Variants in VPS41 observed in about 807,000 individuals in gnomAD.
VPS41 encodes vacuolar protein sorting-associated protein 41 homolog.
In VPS41, 85 loss-of-function variants were observed where a neutral mutation model predicts 130.9. The observed-to-expected ratio is 0.65, with a 90% CI of 0.55 to 0.78. The LOEUF (loss-of-function observed/expected upper bound fraction) is 0.78, where lower values mean the gene tolerates loss of function less well. Among genes scored for constraint, VPS41 ranks in the 30% least tolerant of loss-of-function variants. The probability of loss-of-function intolerance (pLI) is 0.00; values close to 1 mark genes in which losing one functional copy is unlikely to be tolerated. For missense variants in VPS41, 874 were observed against 1,018.7 expected, an observed-to-expected ratio of 0.86 and a Z score of 1.93; for synonymous variants, 335 against 332.9, an observed-to-expected ratio of 1.01 and a Z score of -0.07.
At chr7:38,837,960 C>A (rs1785530627) in intron 4 of VPS41, among the ~76,000 whole-genome samples, 1 of 152,092 alleles carries the variant, frequency 6.6e-6, no homozygotes, top group African/African-American at 2.4e-5. Flanking sequence ...AACCAGATAT[C>A]AAATATAATA....
intron 5 of VPS41, among the ~76,000 whole-genome samples, chr7:38,826,683 G>A (rs563076382): frequency 1.3e-5 from 2 of 152,280 alleles, no homozygotes; most frequent in African/African-American, 4.8e-5. Flanking sequence ...GAGGTAGAGA[G>A]AGGTATAAAT....
rs1206661795 is a variant in VPS41, at chr7:38,723,016, AT to A, written c.*3229del. On this transcript the variant is annotated 3_prime_UTR_variant, in exon 29 of 29. Transcript: ENST00000310301. ...TTATATTATATGCTATATTCTTATAATAAAGCAAGCTAAAGAAAATAGTAAG... is the reference window on the plus strand; with the variant it reads ...TTATATTATATGCTATATTCTTATAAAAAGCAAGCTAAAGAAAATAGTAAG... The A allele has an allele frequency of 6.6e-6, 1 of 152,212 alleles. No individual in the cohort carries two copies. Among genetic ancestry groups the A allele is most frequent in the Non-Finnish European group, 1.5e-5 (1 of 68,036 alleles). 9.4% of individuals were successfully genotyped at this position (152,212 alleles called of 1,614,324 possible). A position where few individuals can be genotyped will look rare whatever the true frequency, so the allele number is the denominator to read the frequency against.
At chr7:38,728,468 G>T (rs1426702026) in intron 27 of VPS41, 74 bp downstream of exon 27, 7 of 1,521,176 alleles carry the variant, frequency 4.6e-6, no homozygotes, top group Admixed American at 1.7e-5. Context: ...ACGGTAGTTG[G>T]CTAATTCCAA....
chr7:38,761,962 C>A (rs144494300), intron 17 of VPS41, among the ~76,000 whole-genome samples: 146 of 152,234 alleles, frequency 9.6e-4, no homozygotes, highest in African/African-American at 3.5e-3. Flanking sequence ...ACAGTAGCCC[C>A]TAGACCATTA....
chr7:38,829,329 T>C (rs1331955566), intron 5 of VPS41, among the ~76,000 whole-genome samples: 2 of 152,194 alleles, frequency 1.3e-5, no homozygotes, highest in Admixed American at 6.5e-5. Context: ...AATGGGTATA[T>C]CTCTTTTACA....
At chr7:38,732,559 T>C (rs907138628) in intron 25 of VPS41, among the ~76,000 whole-genome samples, 1 of 152,172 alleles carries the variant, frequency 6.6e-6, no homozygotes, top group Non-Finnish European at 1.5e-5. Flanking sequence ...ATACAGATGA[T>C]TATTTTAGGG....
At chr7:38,756,697 G>A in intron 19 of VPS41, 141 bp downstream of exon 19, 1 of 593,496 alleles carries the variant, frequency 1.7e-6, no homozygotes. Flanking sequence ...ATCTAGCGAG[G>A]GTCAGAGTGT....
At chr7:38,899,063 C>T (rs777390569) in intron 1 of VPS41, among the ~76,000 whole-genome samples, 14 of 152,058 alleles carry the variant, frequency 9.2e-5, no homozygotes, top group African/African-American at 1.9e-4. Context: ...AGTTGGACAG[C>T]GGGATAAATG....
At chr7:38,770,365 G>A (rs1784132625) in intron 14 of VPS41, among the ~76,000 whole-genome samples, 1 of 151,380 alleles carries the variant, frequency 6.6e-6, no homozygotes, top group Admixed American at 6.6e-5. Context: ...TACTCTAAGG[G>A]CCGGAATGCA....
chr7:38,864,347 T>C (rs571966929), intron 3 of VPS41, among the ~76,000 whole-genome samples: 5 of 152,350 alleles, frequency 3.3e-5, no homozygotes, highest in African/African-American at 1.2e-4. Flanking sequence ...TCTCATTTCA[T>C]TCATTTAATC....
chr7:38,879,312 A>T (rs1007516143), intron 2 of VPS41, among the ~76,000 whole-genome samples: 1 of 152,162 alleles, frequency 6.6e-6, no homozygotes, highest in Non-Finnish European at 1.5e-5. Context: ...GCCCAGCCTC[A>T]CAGGGGTGAG....
chr7:38,867,487 G>A (rs190981598), intron 3 of VPS41, among the ~76,000 whole-genome samples: 2 of 152,020 alleles, frequency 1.3e-5, no homozygotes, highest in East Asian at 3.9e-4. Flanking sequence ...GGAGGTTGCA[G>A]TGAGCCCAGA....
intron 7 of VPS41, among the ~76,000 whole-genome samples, chr7:38,805,481 C>T (rs1374565013): frequency 6.6e-6 from 1 of 151,424 alleles, no homozygotes; most frequent in Non-Finnish European, 1.5e-5. Context: ...TGCAGTGAGC[C>T]GAGATCGCGC....
At chr7:38,797,975 G>T (rs1784653470) in intron 7 of VPS41, among the ~76,000 whole-genome samples, 1 of 152,118 alleles carries the variant, frequency 6.6e-6, no homozygotes, top group South Asian at 2.1e-4. Flanking sequence ...CTTCCACAGG[G>T]AGACTGGAGG....
intron 4 of VPS41, among the ~76,000 whole-genome samples, chr7:38,837,375 A>C (rs1338330027): frequency 1.3e-5 from 2 of 152,164 alleles, no homozygotes; most frequent in Non-Finnish European, 2.9e-5. Context: ...TCTACATAAA[A>C]ATCCTGAACA....
chr7:38,896,662 A>T (rs955510330), intron 2 of VPS41, among the ~76,000 whole-genome samples: 1 of 152,108 alleles, frequency 6.6e-6, no homozygotes, highest in Non-Finnish European at 1.5e-5. Flanking sequence ...CTGATATATA[A>T]TCTGTTCTCT....
chr7:38,836,570 C>T (rs1339101561), intron 4 of VPS41, among the ~76,000 whole-genome samples: 4 of 152,034 alleles, frequency 2.6e-5, no homozygotes, highest in Non-Finnish European at 5.9e-5. Flanking sequence ...ATATTTACCC[C>T]ATGTCATGCA....
intron 25 of VPS41, among the ~76,000 whole-genome samples, chr7:38,740,090 G>A (rs1228049836): frequency 6.6e-6 from 1 of 152,216 alleles, no homozygotes; most frequent in Non-Finnish European, 1.5e-5. Context: ...AGTCATTGCG[G>A]AGGCTGGCGA....
intron 4 of VPS41, among the ~76,000 whole-genome samples, chr7:38,858,451 C>T (rs1251536939): frequency 6.6e-6 from 1 of 152,086 alleles, no homozygotes; most frequent in Non-Finnish European, 1.5e-5. Flanking sequence ...ATGTCTGACT[C>T]CCCCTTCCCG....
Sources: gnomAD v4.1 joint callset for allele counts (sites outside exome capture counted in the v4.1 genomes callset) on GRCh38, gnomAD v4.1.1 for gene constraint, MANE v1.5 for transcripts, NCBI Gene and HGNC (gene_info 2026-07-23, HGNC 2026-07-21) for gene names.